The following SEC24A variants were observed in gnomAD, a reference collection of about 807,000 sequenced individuals.
SEC24A encodes protein transport protein Sec24A.
Under a neutral mutation model 129.4 loss-of-function variants are expected in SEC24A, and 93 were observed. The ratio of observed to expected loss-of-function variants is 0.72; its 90% CI spans 0.61 to 0.85. The LOEUF (loss-of-function observed/expected upper bound fraction) is 0.85. Ranked by LOEUF, SEC24A falls within the 40% of genes least tolerant of loss-of-function variation. SEC24A has a pLI of 0.00. For synonymous variants in SEC24A, 460 were observed against 467.3 expected (o/e 0.98, Z 0.20); for missense variants, 1,264 against 1,307.4 (o/e 0.97, Z 0.51).
chr5:134,652,746 G>A (rs952102457), intron 1 of SEC24A, among the ~76,000 whole-genome samples: 3 of 151,974 alleles, frequency 2.0e-5, no homozygotes, highest in African/African-American at 7.2e-5. Flanking sequence ...TGTAGCACAT[G>A]CCACCATGCC....
chr5:134,715,064 G>GCATTTTTGC lies in SEC24A; in HGVS notation c.2769_2777dup (p.Ile924_Ala926dup). 6.2e-7 allele frequency: 1 copy of GCATTTTTGC among 1,612,720 alleles called. No individual in the cohort carries two copies. The highest frequency in any genetic ancestry group is 8.5e-7 in the Non-Finnish European group (1 of 1,179,538). On this transcript the variant is annotated inframe_insertion, in exon 19 of 23. Coordinates refer to ENST00000398844, the MANE Select transcript of SEC24A (RefSeq NM_021982.3). ...GGGACAAATGCACGTCTAGATGAAC[G>GCATTTTTGC]CATTTTTGCTATGTGTCAAGTGAAA... is the stretch of plus-strand genomic sequence containing the variant.
Position 134,703,897 on chromosome 5 carries a change from C to T in SEC24A, c.2405C>T (p.Ser802Phe). 1 of 1,608,772 alleles carries T rather than the reference C, an allele frequency of 6.2e-7. No homozygotes were observed. Among genetic ancestry groups the T allele is most frequent in the South Asian group, 1.1e-5 (1 of 90,812 alleles). ...AGTCTTACTGACACTCAGTTGGTTT[C>T]TTTTCAGTCAGCACTCTTGTATACA... ...EESLTDTQLV[S>F]FQSALLYTSS... The change falls in exon 16 of 23, where the codon TCT becomes TTT. Residue 802 changes from serine to phenylalanine, a missense_variant. Ser to Phe is a radical substitution (Grantham distance 155). Coordinates refer to ENST00000398844, the MANE Select transcript of SEC24A (RefSeq NM_021982.3).
chr5:134,712,227 G>A (rs2150109758), intron 18 of SEC24A, among the ~76,000 whole-genome samples: 1 of 152,012 alleles, frequency 6.6e-6, no homozygotes, highest in Middle Eastern at 3.4e-3. Context: ...TCTAGTAGGA[G>A]TGGCTTTTGA....
At chr5:134,711,978 A>T (rs2150109615) in intron 18 of SEC24A, among the ~76,000 whole-genome samples, 1 of 151,952 alleles carries the variant, frequency 6.6e-6, no homozygotes, top group East Asian at 1.9e-4. Context: ...CGATCTCCTG[A>T]CCTCGTGATC....
intron 1 of SEC24A, 169 bp downstream of exon 1, chr5:134,649,342 C>T: frequency 2.1e-6 from 1 of 486,182 alleles, no homozygotes. Context: ...GCACCTGTAG[C>T]CCCAGGCTCG....
chr5:134,716,468 A>G (rs1275229671), intron 19 of SEC24A, among the ~76,000 whole-genome samples: 1 of 110,676 alleles, frequency 9.0e-6, no homozygotes, highest in Non-Finnish European at 2.0e-5. Flanking sequence ...GACTTTGTCT[A>G]AAAAAAAAAA....
intron 12 of SEC24A, chr5:134,693,182 A>G: frequency 6.5e-7 from 1 of 1,532,992 alleles, no homozygotes; most frequent in South Asian, 1.2e-5. Context: ...CATTTTAACT[A>G]GCAAGTCTAT....
chr5:134,687,200 G>C (rs528278957), intron 10 of SEC24A, among the ~76,000 whole-genome samples: 2 of 152,172 alleles, frequency 1.3e-5, no homozygotes, highest in African/African-American at 4.8e-5. Flanking sequence ...CCCACCTTGA[G>C]TATTTGAAAG....
rs1752582002 is a variant in SEC24A at position 134,719,880 on chromosome 5, G to T, written c.2971-1118G>T. On this transcript the variant is annotated intron_variant, in intron 20 of 22. Transcript: ENST00000398844. ...CATGCCTGTAATCCCAGCTACTTGG[G>T]AGGCTGAGGCAGGAGAATCACTTGA... is the stretch of plus-strand genomic sequence containing the variant. Among the ~76,000 whole-genome samples, 2 of 152,104 alleles carry T rather than the reference G, an allele frequency of 1.3e-5. 1 individual carries two copies. The highest frequency in any genetic ancestry group is 4.1e-4 in the South Asian group (2 of 4,830).
chr5:134,710,972 C>T (rs1752310358), intron 18 of SEC24A, among the ~76,000 whole-genome samples: 1 of 151,932 alleles, frequency 6.6e-6, no homozygotes, highest in African/African-American at 2.4e-5. Context: ...CCTGTCTCTA[C>T]AAAAAATACA....
chr5:134,686,825 AT>A lies in SEC24A; in HGVS notation c.1530del (p.Phe510LeufsTer13), dbSNP rs769245639. On this transcript the variant is annotated frameshift_variant, in exon 10 of 23. Transcript: ENST00000398844. LOFTEE classifies it high-confidence loss of function. ...PPQPPVYLFVFDVSHNAVETG... is the reference protein window; with the variant it reads ...PPQPPVYLFVXDVSHNAVETG... ...CTCAGCCTCCAGTGTATCTCTTTGTATTTGATGTGTCTCACAATGCAGTCGA... is the reference window on the plus strand; with the variant it reads ...CTCAGCCTCCAGTGTATCTCTTTGTATTGATGTGTCTCACAATGCAGTCGA... 3 of 1,609,580 alleles carry A rather than the reference AT, an allele frequency of 1.9e-6. No homozygotes were observed. Among genetic ancestry groups the A allele is most frequent in the Non-Finnish European group, 2.5e-6 (3 of 1,178,080 alleles).
intron 9 of SEC24A, among the ~76,000 whole-genome samples, chr5:134,685,223 T>C (rs565566984): frequency 6.6e-6 from 1 of 152,118 alleles, no homozygotes; most frequent in South Asian, 2.1e-4. Context: ...ATTTCAGGAA[T>C]TGTGGTGTGT....
intron 1 of SEC24A, among the ~76,000 whole-genome samples, chr5:134,649,941 T>G (rs144821803): frequency 6.6e-6 from 1 of 152,352 alleles, no homozygotes; most frequent in East Asian, 1.9e-4. Context: ...AAAGACTTTC[T>G]GCCGACAGAT....
chr5:134,663,996 A>T (rs562925502), intron 2 of SEC24A, among the ~76,000 whole-genome samples: 2 of 152,224 alleles, frequency 1.3e-5, no homozygotes, highest in South Asian at 4.1e-4. Context: ...CTGTAATCCC[A>T]GCTACTCAGG....
Position 134,661,183 on chromosome 5 carries a change from T to G in SEC24A, c.162T>G (p.Leu54=). Residue 54 remains leucine, a synonymous_variant, in exon 2 of 23, where the codon CTT becomes CTG. Transcript: ENST00000398844. ...TGAGCCAAGGATACAATTTCCAGCT[T>G]CCAGGATCCTACCCTCATCCAATAC... ...ESVSQGYNFQ[L]PGSYPHPIPA... The G allele has an allele frequency of 6.2e-7, 1 of 1,614,104 alleles. No homozygotes were observed. Among genetic ancestry groups the G allele is most frequent in the Non-Finnish European group, 8.5e-7 (1 of 1,180,020 alleles).
chr5:134,698,171 G>A (rs759694640), intron 15 of SEC24A, 114 bp downstream of exon 15: 52 of 855,760 alleles, frequency 6.1e-5, no homozygotes, highest in Non-Finnish European at 8.6e-5. Flanking sequence ...GCCTACTCTG[G>A]AATATGCAAT....
intron 2 of SEC24A, among the ~76,000 whole-genome samples, chr5:134,664,965 AT>A (rs1162030396): frequency 1.3e-5 from 2 of 150,650 alleles, no homozygotes; most frequent in Non-Finnish European, 3.0e-5. Context: ...CGCCCAGCTA[AT>A]TTTTTGTATT....
At chr5:134,697,296 G>T in intron 14 of SEC24A, 50 bp downstream of exon 14, 2 of 1,476,770 alleles carry the variant, frequency 1.4e-6, no homozygotes, top group South Asian at 1.2e-5. Context: ...ATATCAAAAT[G>T]GTCCTTATAT....
intron 19 of SEC24A, among the ~76,000 whole-genome samples, chr5:134,716,836 A>G (rs925023478): frequency 6.6e-6 from 1 of 151,068 alleles, no homozygotes. Flanking sequence ...GATACTTTAC[A>G]TATGTAAAAG....
Sources: gnomAD v4.1 joint callset for allele counts (sites outside exome capture counted in the v4.1 genomes callset) on GRCh38, gnomAD v4.1.1 for gene constraint, MANE v1.5 for transcripts, NCBI Gene and HGNC (gene_info 2026-07-23, HGNC 2026-07-21) for gene names.